The following USO1 variants were observed in gnomAD, a reference collection of about 807,000 sequenced individuals.
USO1 encodes USO1 vesicle transport factor.
In USO1, 57 loss-of-function variants were observed where a neutral mutation model predicts 124.5. That is an observed-to-expected ratio of 0.46 (90% CI 0.37 to 0.57). The LOEUF (loss-of-function observed/expected upper bound fraction) is 0.57, where lower values mean the gene tolerates loss of function less well. Ranked by LOEUF, USO1 falls within the 20% of genes least tolerant of loss-of-function variation. USO1 has a pLI of 0.00. For synonymous variants in USO1, 369 were observed against 362.8 expected (o/e 1.02, Z -0.19); for missense variants, 900 against 1,040.6 (o/e 0.86, Z 1.86).
At chr4:75,737,937 C>T (rs1270545653) in intron 1 of USO1, among the ~76,000 whole-genome samples, 7 of 151,772 alleles carry the variant, frequency 4.6e-5, no homozygotes, top group East Asian at 2.0e-4. Flanking sequence ...AAGCGATTCT[C>T]CTGCCTCAGC....
chr4:75,786,133 T>C (rs960089525), intron 9 of USO1, among the ~76,000 whole-genome samples: 1 of 152,198 alleles, frequency 6.6e-6, no homozygotes. Context: ...CAATAAAAAG[T>C]ACCACTTTTC....
Position 75,801,159 on chromosome 4 carries a change from G to T in USO1, c.1945G>T (p.Asp649Tyr). ...EEVKKTLEQHDNIVTHYKNMI... is the reference protein window; with the variant it reads ...EEVKKTLEQHYNIVTHYKNMI... ...GGTGAAAAAAACATTAGAACAGCAT[G>T]ACAATATTGTGACTCACTACAAAAA... Residue 649 changes from aspartate (D) to tyrosine (Y), a missense_variant, in exon 17 of 24, where the codon GAC becomes TAC. Physicochemically the swap from Asp to Tyr is radical, Grantham distance 160. This residue lies in a region of USO1 where 362 missense variants were observed against 359.0 expected (regional missense o/e 1.01). Coordinates refer to ENST00000514213, the MANE Select transcript of USO1 (RefSeq NM_003715.4). 1 of 1,610,972 alleles carries T rather than the reference G, an allele frequency of 6.2e-7. No homozygotes were observed. The highest frequency in any genetic ancestry group is 1.1e-5 in the South Asian group (1 of 90,326).
At chr4:75,769,873 C>T (rs1356892951) in intron 4 of USO1, among the ~76,000 whole-genome samples, 1 of 151,392 alleles carries the variant, frequency 6.6e-6, no homozygotes, top group African/African-American at 2.4e-5. Flanking sequence ...GATTTTATTG[C>T]CAAAGAATTT....
chr4:75,789,238 T>C (rs1214691815), intron 10 of USO1, among the ~76,000 whole-genome samples: 1 of 151,862 alleles, frequency 6.6e-6, no homozygotes, highest in Non-Finnish European at 1.5e-5. Flanking sequence ...TCTGAGGATG[T>C]TTTTGGCATT....
intron 1 of USO1, among the ~76,000 whole-genome samples, chr4:75,727,054 A>G (rs1167660883): frequency 6.6e-6 from 1 of 152,214 alleles, no homozygotes; most frequent in African/African-American, 2.4e-5. Context: ...GGTAATTTTT[A>G]CTATGTGTGG....
At chr4:75,772,600 A>G (rs1721963934) in intron 7 of USO1, among the ~76,000 whole-genome samples, 1 of 152,110 alleles carries the variant, frequency 6.6e-6, no homozygotes, top group South Asian at 2.1e-4. Context: ...TTATTTAACT[A>G]GGTATCTATC....
At chr4:75,764,934 CAG>C (rs1481691246) in intron 4 of USO1, among the ~76,000 whole-genome samples, 12 of 152,146 alleles carry the variant, frequency 7.9e-5, no homozygotes, top group Non-Finnish European at 1.3e-4. Flanking sequence ...TTTCCTTAGA[CAG>C]AGCATATACT....
At chr4:75,744,775 A>G (rs974840899) in intron 1 of USO1, 25 of 288,640 alleles carry the variant, frequency 8.7e-5, no homozygotes, top group African/African-American at 5.5e-4. Flanking sequence ...GATTGTTTAA[A>G]TAAATGCTGT....
chr4:75,793,801 A>G lies in USO1; in HGVS notation c.1352A>G (p.Asn451Ser). 6.2e-7 allele frequency: 1 copy of G among 1,614,002 alleles called. No homozygotes were observed. The highest frequency in any genetic ancestry group is 1.7e-5 in the Admixed American group (1 of 60,026). The change falls in exon 13 of 24, where the codon AAT (asparagine) becomes AGT (serine). Residue 451 changes from asparagine to serine, a missense_variant. Transcript: ENST00000514213. ...GCCCTTGCCCATGCGTTGCAAGAAA[A>G]TGCCACCCAGAAAGAACAGTTGCTC... ...AVALAHALQE[N>S]ATQKEQLLRV...
chr4:75,786,731 A>G (rs750812215), intron 9 of USO1, among the ~76,000 whole-genome samples: 30 of 152,170 alleles, frequency 2.0e-4, no homozygotes, highest in Admixed American at 1.3e-3. Context: ...TTGAAAAGAA[A>G]TCTGCCACTC....
intron 1 of USO1, among the ~76,000 whole-genome samples, chr4:75,727,677 G>C (rs1239231937): frequency 6.6e-6 from 1 of 152,070 alleles, no homozygotes; most frequent in African/African-American, 2.4e-5. Context: ...GGAACCCCTA[G>C]CTTCTATATT....
At chr4:75,740,515 T>C (rs949449446) in intron 1 of USO1, among the ~76,000 whole-genome samples, 6 of 152,224 alleles carry the variant, frequency 3.9e-5, no homozygotes, top group African/African-American at 1.4e-4. Context: ...CACAAATTCC[T>C]GGCTTCAAGC....
In USO1 at chr4:75,812,230, T is replaced by C. The variant is rs1723169941; in HGVS notation, c.2654T>C (p.Ile885Thr). Residue 885 changes from isoleucine to threonine, a missense_variant, in exon 23 of 24, where the codon ATT (isoleucine) becomes ACT (threonine). Physicochemically the swap from Ile to Thr is moderately conservative, Grantham distance 89. Around this residue, in one of 2 missense-constraint regions of USO1, gnomAD observed 362 missense variants for 359.0 expected, o/e 1.01. Transcript: ENST00000514213. ...CAGCTGGATTCATCTAATAGTACCA[T>C]TGCCATTTTACAAACTGAGAAAGAC... ...KEQLDSSNST[I>T]AILQTEKDKL... 1.2e-6 allele frequency: 2 copies of C among 1,610,362 alleles called. No homozygotes were observed.
intron 8 of USO1, among the ~76,000 whole-genome samples, chr4:75,781,548 T>C (rs1271652399): frequency 2.0e-5 from 3 of 152,206 alleles, no homozygotes; most frequent in African/African-American, 7.2e-5. Context: ...TCTTTGGACA[T>C]GATGCTATTG....
chr4:75,810,149 A>G (rs947088964), intron 21 of USO1, among the ~76,000 whole-genome samples: 2 of 152,210 alleles, frequency 1.3e-5, no homozygotes, highest in African/African-American at 4.8e-5. Flanking sequence ...GCTGGGTTAC[A>G]GTTACATTAG....
At chr4:75,797,995 C>T (rs999849908) in intron 13 of USO1, among the ~76,000 whole-genome samples, 26 of 152,196 alleles carry the variant, frequency 1.7e-4, no homozygotes, top group Non-Finnish European at 3.4e-4. Flanking sequence ...AACATGGTGG[C>T]TTTCTATTGG....
chr4:75,770,323 T>C, intron 4 of USO1, 116 bp from the exon 5 acceptor site: 1 of 913,554 alleles, frequency 1.1e-6, no homozygotes, highest in Non-Finnish European at 1.6e-6. Context: ...AGCCACACTG[T>C]TCCAGTGTTG....
At position 75,729,139 on chromosome 4, in the gene USO1, A is replaced by G. The variant is rs544135906; in HGVS notation, c.66+4254A>G. On this transcript the variant is annotated intron_variant, in intron 1 of 23. Transcript: ENST00000514213. ...ACATTTCATTTCTCTTTTTTACTTGACACTGATTTCTGGTGATTGAAGCCT... is the reference window on the plus strand; with the variant it reads ...ACATTTCATTTCTCTTTTTTACTTGGCACTGATTTCTGGTGATTGAAGCCT... Among the ~76,000 whole-genome samples the G allele has an allele frequency of 1.7e-4, 26 of 152,154 alleles. 1 individual carries two copies. The South Asian group carries it at 5.4e-3, about 32-fold the overall frequency.
chr4:75,805,169 A>G lies in USO1; in HGVS notation c.2155A>G (p.Ser719Gly). 1 of 1,607,914 alleles carries G rather than the reference A, an allele frequency of 6.2e-7. No homozygotes were observed. Among genetic ancestry groups the G allele is most frequent in the Non-Finnish European group, 8.5e-7 (1 of 1,177,462 alleles). Residue 719 changes from serine to glycine, a missense_variant, in exon 19 of 24, where the codon AGT becomes GGT. Ser to Gly is a moderately conservative substitution (Grantham distance 56). This residue lies in a region of USO1 where 362 missense variants were observed against 359.0 expected (regional missense o/e 1.01). Transcript: ENST00000514213. ...GKDNQHQGSY[S>G]EGAQMNGIQP... ...AGACAATCAGCATCAAGGTTCTTAC[A>G]GTGAGGGGGCTCAGATGAATGGCAT...
Sources: gnomAD v4.1 joint callset for allele counts (sites outside exome capture counted in the v4.1 genomes callset) on GRCh38, gnomAD v4.1.1 for gene constraint, gnomAD v4.1.1 regional missense constraint, MANE v1.5 for transcripts, NCBI Gene and HGNC (gene_info 2026-07-23, HGNC 2026-07-21) for gene names.